The following PDE1C variants were observed in gnomAD, a reference collection of about 807,000 sequenced individuals.
PDE1C encodes the protein dual specificity calcium/calmodulin-dependent 3',5'-cyclic nucleotide phosphodiesterase 1C.
Under a neutral mutation model 93.1 loss-of-function variants are expected in PDE1C, and 62 were observed. The ratio of observed to expected loss-of-function variants is 0.67; its 90% CI spans 0.54 to 0.82. PDE1C has a LOEUF of 0.82. PDE1C is among the 40% of genes least tolerant of loss of function. The probability of loss-of-function intolerance (pLI) is 0.00; values close to 1 mark genes in which losing one functional copy is unlikely to be tolerated. For synonymous variants in PDE1C, 325 were observed against 310.1 expected, an observed-to-expected ratio of 1.05 and a Z score of -0.50; for missense variants, 742 against 884.6, an observed-to-expected ratio of 0.84 and a Z score of 2.04.
At chr7:32,208,641 C>T (rs747416221) in intron 2 of PDE1C, among the ~76,000 whole-genome samples, 1 of 152,134 alleles carries the variant, frequency 6.6e-6, no homozygotes, top group Non-Finnish European at 1.5e-5. Flanking sequence ...TACAGTTGTA[C>T]GATTTCTCCA....
intron 3 of PDE1C, among the ~76,000 whole-genome samples, chr7:32,163,025 A>G (rs1802017653): frequency 1.3e-5 from 2 of 152,260 alleles, no homozygotes; most frequent in Non-Finnish European, 2.9e-5. Context: ...GGCTTTAAAA[A>G]TTCTCAGAAT....
intron 2 of PDE1C, among the ~76,000 whole-genome samples, chr7:32,005,890 G>A (rs772685159): frequency 6.6e-6 from 1 of 151,944 alleles, no homozygotes; most frequent in East Asian, 1.9e-4. Flanking sequence ...TTTTCTGCAC[G>A]TACTGTTACT....
chr7:31,775,854 G>T, intron 16 of PDE1C, 122 bp from the exon 17 acceptor site: 1 of 803,680 alleles, frequency 1.2e-6, no homozygotes, highest in South Asian at 1.6e-5. Context: ...AAGCAGGTTA[G>T]GTGAGGTTGC....
chr7:31,824,979 C>A lies in PDE1C; in HGVS notation c.1294G>T (p.Asp432Tyr). Residue 432 changes from aspartate (D) to tyrosine (Y), a missense_variant, in exon 13 of 18, where the codon GAT becomes TAT. Coordinates refer to ENST00000396191, the MANE Select transcript of PDE1C (RefSeq NM_001191057.4). ...MVAQSQVGFI[D>Y]FIVEPTFTVL... ...GTGAAGGTGGGTTCCACGATGAAAT[C>A]AATGAAACCTGAAGAGAAACAGCAA... is the stretch of plus-strand genomic sequence containing the variant. 1 of 1,613,136 alleles carries A rather than the reference C, an allele frequency of 6.2e-7. No individual in the cohort carries two copies. The highest frequency in any genetic ancestry group is 1.1e-5 in the South Asian group (1 of 91,040).
the PDE1C span, among the ~76,000 whole-genome samples, chr7:31,675,178 T>A: frequency 6.6e-6 from 1 of 152,150 alleles, no homozygotes; most frequent in African/African-American, 2.4e-5. Flanking sequence ...TGTGGTTGAT[T>A]TTTTGGCCAT....
rs996020267 is a variant in PDE1C at position 32,342,087 on chromosome 7, T to A, written c.310+85735A>T. Among the ~76,000 whole-genome samples, 4 of 152,168 alleles carry A rather than the reference T, an allele frequency of 2.6e-5. No homozygotes were observed. The East Asian group carries it at 7.7e-4, about 29-fold the overall frequency. On this transcript the variant is annotated intron_variant, in intron 1 of 1. Transcript: ENST00000672256. ...TATATTAAGAAAATAAATCATAGAA[T>A]AATGTATGATTGTTTGCTATCAATA...
At chr7:31,687,686 A>AGGT in the PDE1C span, among the ~76,000 whole-genome samples, 2 of 152,228 alleles carry the variant, frequency 1.3e-5, no homozygotes, top group Non-Finnish European at 2.9e-5. Context: ...AATACTGCCA[A>AGGT]TTTAGGTTTT....
intron 15 of PDE1C, among the ~76,000 whole-genome samples, chr7:31,812,911 A>T (rs78465874): frequency 0.011 from 1,722 of 152,230 alleles, 41 homozygotes; most frequent in East Asian, 0.075. Flanking sequence ...TTAACCTGAG[A>T]TCTCTACTTA....
intron 3 of PDE1C, among the ~76,000 whole-genome samples, chr7:32,122,375 A>G (rs1383886404): frequency 6.6e-6 from 1 of 152,216 alleles, no homozygotes; most frequent in East Asian, 1.9e-4. Context: ...GACCTAATTG[A>G]CATCCACAGA....
chr7:32,354,605 A>C (rs1262839003), intron 1 of PDE1C, among the ~76,000 whole-genome samples: 1 of 152,190 alleles, frequency 6.6e-6, no homozygotes, highest in Non-Finnish European at 1.5e-5. Context: ...TTTAAAAAAA[A>C]GTTTGTAAAA....
At chr7:32,283,019 G>A (rs1208784929) in intron 1 of PDE1C, among the ~76,000 whole-genome samples, 2 of 152,154 alleles carry the variant, frequency 1.3e-5, no homozygotes, top group Admixed American at 6.5e-5. Flanking sequence ...TGTTTAGAAT[G>A]TACATTTCAA....
chr7:31,767,588 A>G (rs1795224084), intron 17 of PDE1C, among the ~76,000 whole-genome samples: 1 of 152,128 alleles, frequency 6.6e-6, no homozygotes, highest in Non-Finnish European at 1.5e-5. Flanking sequence ...TTTATAAATT[A>G]CTCAGTCTCA....
chr7:31,687,178 G>T, the PDE1C span: 2 of 152,474 alleles, frequency 1.3e-5, no homozygotes, highest in African/African-American at 2.4e-5. Context: ...AGCAGCAGCT[G>T]GTCCCTAGAT....
intron 1 of PDE1C, among the ~76,000 whole-genome samples, chr7:32,420,414 C>T (rs1202799394): frequency 1.4e-5 from 2 of 139,830 alleles, no homozygotes; most frequent in Non-Finnish European, 3.1e-5. Context: ...CACACACACA[C>T]ATATACACAC....
At chr7:32,226,682 G>A (rs1807300610) in intron 1 of PDE1C, among the ~76,000 whole-genome samples, 1 of 152,198 alleles carries the variant, frequency 6.6e-6, no homozygotes, top group Non-Finnish European at 1.5e-5. Context: ...GTGATGGTTG[G>A]AGACCATGCC....
At chr7:32,006,947 C>T (rs1359293110) in intron 2 of PDE1C, among the ~76,000 whole-genome samples, 1 of 152,146 alleles carries the variant, frequency 6.6e-6, no homozygotes, top group African/African-American at 2.4e-5. Context: ...TCTGGCATAT[C>T]AATACTTCAG....
chr7:32,069,829 G>A (rs1352703647), intron 1 of PDE1C, among the ~76,000 whole-genome samples: 1 of 152,178 alleles, frequency 6.6e-6, no homozygotes, highest in Non-Finnish European at 1.5e-5. Flanking sequence ...GGGCTAAGGA[G>A]AGGGAAAAAA....
intron 1 of PDE1C, among the ~76,000 whole-genome samples, chr7:32,219,842 C>A (rs1424658407): frequency 1.3e-5 from 2 of 152,222 alleles, no homozygotes; most frequent in African/African-American, 4.8e-5. Flanking sequence ...CTACCCAAAT[C>A]TCATCTTGAG....
chr7:31,765,687 A>T (rs949756578), intron 17 of PDE1C, among the ~76,000 whole-genome samples: 3 of 152,188 alleles, frequency 2.0e-5, no homozygotes, highest in African/African-American at 7.2e-5. Flanking sequence ...CCATCCTTCA[A>T]TCAACTCAGG....
Sources: gnomAD v4.1 joint callset for allele counts (sites outside exome capture counted in the v4.1 genomes callset) on GRCh38, gnomAD v4.1.1 for gene constraint, MANE v1.5 for transcripts, NCBI Gene and HGNC (gene_info 2026-07-23, HGNC 2026-07-21) for gene names.